The following OCIAD1 variants were observed in gnomAD, a reference collection of about 807,000 sequenced individuals.
The protein encoded by OCIAD1 is OCIA domain containing 1, also known as OCIA domain-containing protein 1.
Under a neutral mutation model 38.9 loss-of-function variants are expected in OCIAD1, and 29 were observed. That is an observed-to-expected ratio of 0.74 (90% confidence interval 0.55 to 1.02). The LOEUF (loss-of-function observed/expected upper bound fraction) is 1.02. Among genes scored for constraint, OCIAD1 ranks in the 50% least tolerant of loss-of-function variants. The pLI, the probability that OCIAD1 is intolerant of heterozygous loss-of-function variation, is 0.00. For synonymous variants in OCIAD1, 110 were observed against 92.0 expected (o/e 1.20, Z -1.12); for missense variants, 288 against 289.6 (o/e 0.99, Z 0.04).
chr4:48,810,391 C>A (rs1315327390), intron 1 of OCIAD1, among the ~76,000 whole-genome samples: 1 of 150,814 alleles, frequency 6.6e-6, no homozygotes, highest in East Asian at 2.0e-4. Flanking sequence ...ATGGCGTGAA[C>A]CCGGGAGGTG....
At chr4:48,847,710 C>T (rs1779092396) in intron 4 of OCIAD1, among the ~76,000 whole-genome samples, 1 of 152,074 alleles carries the variant, frequency 6.6e-6, no homozygotes, top group Admixed American at 6.6e-5. Flanking sequence ...TGTTTCTGGA[C>T]TCTTAGTTTT....
intron 4 of OCIAD1, among the ~76,000 whole-genome samples, chr4:48,845,023 C>T (rs1276655763): frequency 6.6e-6 from 1 of 152,028 alleles, no homozygotes; most frequent in Non-Finnish European, 1.5e-5. Flanking sequence ...ATATGGAGGG[C>T]TGCCTGTATC....
At chr4:48,809,910 A>G (rs544112239) in intron 1 of OCIAD1, among the ~76,000 whole-genome samples, 6 of 152,328 alleles carry the variant, frequency 3.9e-5, no homozygotes, top group Non-Finnish European at 5.9e-5. Flanking sequence ...ACTTAACTAT[A>G]TGAGTTCCAA....
At chr4:48,860,661 C>A in intron 8 of OCIAD1, 64 bp from the exon 9 acceptor site, 3 of 1,210,172 alleles carry the variant, frequency 2.5e-6, no homozygotes, top group Non-Finnish European at 3.7e-6. Context: ...TAGCAACAAA[C>A]TTAAAATAAT....
chr4:48,829,523 A>T (rs2109502134), upstream of OCIAD1, among the ~76,000 whole-genome samples: 1 of 152,324 alleles, frequency 6.6e-6, no homozygotes, highest in East Asian at 1.9e-4. Context: ...CAAACAAATC[A>T]TTGTTTTAGA....
chr4:48,837,542 C>T (rs1579062482), intron 3 of OCIAD1, among the ~76,000 whole-genome samples: 3 of 152,058 alleles, frequency 2.0e-5, no homozygotes, highest in East Asian at 1.9e-4. Flanking sequence ...CTGCCCACCT[C>T]GGCCTCACAA....
intron 1 of OCIAD1, among the ~76,000 whole-genome samples, chr4:48,812,766 A>G (rs993436617): frequency 6.6e-6 from 1 of 152,226 alleles, no homozygotes; most frequent in African/African-American, 2.4e-5. Context: ...GTTTTGCCAT[A>G]AAAGAGCAAA....
intron 1 of OCIAD1, among the ~76,000 whole-genome samples, chr4:48,821,848 GA>G (rs1476365402): frequency 6.6e-6 from 1 of 152,184 alleles, no homozygotes; most frequent in Non-Finnish European, 1.5e-5. Flanking sequence ...GGATGTGAAG[GA>G]CCTCTTCAAG....
At chr4:48,828,261 A>C (rs527662361), upstream of OCIAD1, among the ~76,000 whole-genome samples, 3 of 152,288 alleles carry the variant, frequency 2.0e-5, no homozygotes, top group Admixed American at 2.0e-4. Context: ...TAAATGCACC[A>C]ATCAGCACTC....
intron 4 of OCIAD1, among the ~76,000 whole-genome samples, chr4:48,847,363 A>G (rs1474224526): frequency 2.0e-5 from 3 of 152,006 alleles, no homozygotes; most frequent in Non-Finnish European, 4.4e-5. Flanking sequence ...TCAGATATAG[A>G]TATGGTGATT....
At chr4:48,850,300 G>A (rs1352706348) in intron 6 of OCIAD1, among the ~76,000 whole-genome samples, 10 of 152,002 alleles carry the variant, frequency 6.6e-5, no homozygotes, top group Admixed American at 1.3e-4. Flanking sequence ...CCTCTGTTGC[G>A]CAGGCTGGAG....
rs1560416335 is a variant in OCIAD1 at position 48,832,690 on chromosome 4, T to C, written c.58+8T>C. 1 of 1,600,062 alleles carries C rather than the reference T, an allele frequency of 6.2e-7. No individual in the cohort carries two copies. The highest frequency in any genetic ancestry group is 8.6e-7 in the Non-Finnish European group (1 of 1,167,250). On this transcript the variant is annotated splice_region_variant and intron_variant, in intron 2 of 8. Transcript: ENST00000264312. ...TTCCAAGACCAATTCCCCGTAACTA[T>C]CTATTAAGTATTTATAATTAGAAGC...
At position 48,819,782 on chromosome 4, in the gene OCIAD1, T is replaced by TGA. The variant is rs1777175881; in HGVS notation, c.-102-10795_-102-10794insGA. ...ATCCCAGTCTCTGATAAAACAGACT[T>TGA]TAAACCAACAAAGATAAAAAAAGAC... On this transcript the variant is annotated intron_variant, in intron 1 of 6. Coordinates refer to the OCIAD1 transcript ENST00000504654. Among the ~76,000 whole-genome samples, 5 of 122,592 alleles carry TGA rather than the reference T, an allele frequency of 4.1e-5. No homozygotes were observed. In the East Asian group the frequency reaches 1.0e-3, roughly 25 times the overall value. 80.4% of individuals were successfully genotyped at this position (122,592 alleles called of 152,430 possible).
rs760374754 is a variant in OCIAD1 at position 48,850,067 on chromosome 4, G to A, written c.362G>A (p.Arg121Gln). 4.3e-6 allele frequency: 7 copies of A among 1,611,258 alleles called. No homozygotes were observed. The African/African-American group carries it at 5.4e-5, about 12-fold the overall frequency. ...GCTTTACGATCAGGACAAGCACGAC[G>A]ATCTTCACCACCTGGGTAGGCCAGA... ...GEALRSGQAR[R>Q]SSPPGHYYQK... The change falls in exon 6 of 9, where the codon CGA (arginine) becomes CAA (glutamine). Residue 121 changes from arginine to glutamine, a missense_variant. Coordinates refer to ENST00000264312, the MANE Select transcript of OCIAD1 (RefSeq NM_017830.4).
chr4:48,827,124 GAAT>G (rs1016216843), upstream of OCIAD1, among the ~76,000 whole-genome samples: 4 of 152,112 alleles, frequency 2.6e-5, no homozygotes, highest in Non-Finnish European at 5.9e-5. Flanking sequence ...GAAATATGCT[GAAT>G]AATAATTTAT....
chr4:48,809,440 T>C (rs926675595), intron 1 of OCIAD1, among the ~76,000 whole-genome samples: 2 of 152,056 alleles, frequency 1.3e-5, no homozygotes, highest in African/African-American at 4.8e-5. Context: ...CAGGGAGTAC[T>C]GCTTGAACCC....
intron 5 of OCIAD1, among the ~76,000 whole-genome samples, chr4:48,848,993 T>A (rs1779193401): frequency 6.6e-6 from 1 of 152,126 alleles, no homozygotes; most frequent in Non-Finnish European, 1.5e-5. Flanking sequence ...ATGTCCTCTG[T>A]AGGGACATGG....
At chr4:48,832,048 G>A (rs1236249247) in intron 1 of OCIAD1, among the ~76,000 whole-genome samples, 1 of 152,174 alleles carries the variant, frequency 6.6e-6, no homozygotes, top group Non-Finnish European at 1.5e-5. Context: ...TATTCTTGGG[G>A]TGGAAGGAAA....
Position 48,857,224 on chromosome 4 carries a change from A to C in OCIAD1, c.559A>C (p.Asn187His). Residue 187 changes from asparagine to histidine, a missense_variant, in exon 8 of 9, where the codon AAC becomes CAC. By Grantham distance (68) the Asn-to-His change is moderately conservative. Transcript: ENST00000264312. The part of the protein sequence containing the change: ...TDHIVQGPDP[N>H]LEESPKRKNI... ...GTTTGTTGTTTTAGGACCTGATCCCAACCTTGAAGAAAGTCCTAAAAGAAA... is the reference window on the plus strand; with the variant it reads ...GTTTGTTGTTTTAGGACCTGATCCCCACCTTGAAGAAAGTCCTAAAAGAAA... 6.5e-7 allele frequency: 1 copy of C among 1,546,996 alleles called. No individual in the cohort carries two copies. The highest frequency in any genetic ancestry group is 8.7e-7 in the Non-Finnish European group (1 of 1,148,416).
Sources: gnomAD v4.1 joint callset for allele counts (sites outside exome capture counted in the v4.1 genomes callset) on GRCh38, gnomAD v4.1.1 for gene constraint, MANE v1.5 for transcripts, NCBI Gene and HGNC (gene_info 2026-07-23, HGNC 2026-07-21) for gene names.